WWTR1: variants seen among roughly 807,000 people sequenced by gnomAD.
WWTR1 encodes WW domain-containing transcription regulator protein 1.
Under a neutral mutation model 40.1 loss-of-function variants are expected in WWTR1, and 13 were observed. That is an observed-to-expected ratio of 0.32 (90% CI 0.21 to 0.52). The LOEUF is 0.52. Ranked by LOEUF, WWTR1 falls within the 20% of genes least tolerant of loss-of-function variation. The probability of loss-of-function intolerance (pLI) is 0.97; values close to 1 mark genes in which losing one functional copy is unlikely to be tolerated. For missense variants in WWTR1, 436 were observed against 523.1 expected (o/e 0.83, Z 1.63); for synonymous variants, 230 against 210.1 (o/e 1.09, Z -0.82).
chr3:149,597,317 A>G (rs1448147239), intron 2 of WWTR1, among the ~76,000 whole-genome samples: 1 of 151,916 alleles, frequency 6.6e-6, no homozygotes, highest in Non-Finnish European at 1.5e-5. Context: ...AACAGAGAGA[A>G]ACTAAAATAG....
intron 2 of WWTR1, among the ~76,000 whole-genome samples, chr3:149,636,595 T>G (rs887639323): frequency 1.3e-5 from 2 of 152,216 alleles, no homozygotes; most frequent in Non-Finnish European, 2.9e-5. Context: ...ATACATTATA[T>G]GTATCCTTTA....
intron 1 of WWTR1, among the ~76,000 whole-genome samples, chr3:149,693,291 A>T (rs970707941): frequency 6.6e-6 from 1 of 152,216 alleles, no homozygotes; most frequent in African/African-American, 2.4e-5. Context: ...GGTGATCTAT[A>T]CCATGACAAC....
At chr3:149,647,783 T>C (rs1159327667) in intron 2 of WWTR1, among the ~76,000 whole-genome samples, 1 of 152,202 alleles carries the variant, frequency 6.6e-6, no homozygotes, top group African/African-American at 2.4e-5. Context: ...GATCTCAACA[T>C]AGGTGACAAT....
At chr3:149,608,895 A>G (rs1026566629) in intron 2 of WWTR1, among the ~76,000 whole-genome samples, 13 of 151,740 alleles carry the variant, frequency 8.6e-5, no homozygotes, top group African/African-American at 2.9e-4. Flanking sequence ...TTTACAAAAG[A>G]AAAAAAATAG....
chr3:149,529,490 T>C (rs1258174314), intron 4 of WWTR1, among the ~76,000 whole-genome samples: 2 of 152,254 alleles, frequency 1.3e-5, no homozygotes, highest in East Asian at 3.8e-4. Flanking sequence ...TCTGTTCATC[T>C]AGATTGCAAA....
intron 3 of WWTR1, among the ~76,000 whole-genome samples, chr3:149,724,467 T>A (rs540530254): frequency 6.6e-5 from 10 of 150,780 alleles, no homozygotes; most frequent in Non-Finnish European, 1.3e-4. Flanking sequence ...TTGAATAATT[T>A]TTATACCGTC....
upstream of WWTR1, among the ~76,000 whole-genome samples, chr3:149,706,275 T>C (rs1364992181): frequency 1.3e-5 from 2 of 152,168 alleles, no homozygotes; most frequent in African/African-American, 4.8e-5. Context: ...TTCTATAATG[T>C]TCACATTTAA....
intron 6 of WWTR1, among the ~76,000 whole-genome samples, chr3:149,523,363 C>A (rs992366638): frequency 2.6e-5 from 4 of 152,138 alleles, no homozygotes; most frequent in Non-Finnish European, 5.9e-5. Context: ...ATTCTCCTGC[C>A]TCAGCTTCCC....
chr3:149,668,051 C>G (rs1162121981), intron 2 of WWTR1, among the ~76,000 whole-genome samples: 1 of 152,170 alleles, frequency 6.6e-6, no homozygotes, highest in African/African-American at 2.4e-5. Flanking sequence ...TGGAGTTCAA[C>G]ACTAGAGATG....
intron 3 of WWTR1, among the ~76,000 whole-genome samples, chr3:149,553,074 G>A (rs879383491): frequency 2.6e-5 from 4 of 152,172 alleles, no homozygotes; most frequent in Non-Finnish European, 5.9e-5. Flanking sequence ...TCTAGCATGG[G>A]ACTTTGGGAC....
chr3:149,629,161 GA>G (rs1432296014), intron 2 of WWTR1, among the ~76,000 whole-genome samples: 1 of 152,122 alleles, frequency 6.6e-6, no homozygotes, highest in Non-Finnish European at 1.5e-5. Flanking sequence ...ATGAGTTTAA[GA>G]GGAAAAAAAG....
At chr3:149,639,993 CAA>C (rs1215330406) in intron 2 of WWTR1, among the ~76,000 whole-genome samples, 12 of 76,242 alleles carry the variant, frequency 1.6e-4, no homozygotes, top group Admixed American at 3.7e-4. Context: ...GACTCCGTCT[CAA>C]AAAAAAAAAA....
intron 2 of WWTR1, among the ~76,000 whole-genome samples, chr3:149,614,476 A>G (rs1294270916): frequency 6.6e-6 from 1 of 152,176 alleles, no homozygotes; most frequent in East Asian, 1.9e-4. Flanking sequence ...CAAAATGATG[A>G]AAACATCTAA....
chr3:149,535,531 C>T (rs1735787806), intron 4 of WWTR1, among the ~76,000 whole-genome samples: 1 of 152,120 alleles, frequency 6.6e-6, no homozygotes, highest in South Asian at 2.1e-4. Context: ...ACAATCGAAA[C>T]TGCGATACTT....
chr3:149,570,568 A>C (rs1487249074), intron 3 of WWTR1, among the ~76,000 whole-genome samples: 2 of 110,644 alleles, frequency 1.8e-5, no homozygotes, highest in African/African-American at 6.8e-5. Context: ...CCTCTTTCTC[A>C]AAATAATAAT....
chr3:149,694,370 G>A (rs1268706945), intron 1 of WWTR1, among the ~76,000 whole-genome samples: 2 of 152,242 alleles, frequency 1.3e-5, no homozygotes, highest in Admixed American at 1.3e-4. Flanking sequence ...CTCCAGCCTG[G>A]GCGACAGAGC....
At chr3:149,609,371 C>G (rs12495755) in intron 2 of WWTR1, among the ~76,000 whole-genome samples, 12,681 of 152,250 alleles carry the variant, frequency 0.083, 861 homozygotes, top group Admixed American at 0.19. Context: ...CGCTAGTTCA[C>G]CAGGATAGGG....
intron 2 of WWTR1, among the ~76,000 whole-genome samples, chr3:149,587,954 A>G (rs940391536): frequency 1.3e-5 from 2 of 152,232 alleles, no homozygotes; most frequent in Non-Finnish European, 2.9e-5. Context: ...CAGTATATCA[A>G]TATGCAACAA....
chr3:149,657,523 T>G, intron 1 of WWTR1: 1 of 591,138 alleles, frequency 1.7e-6, no homozygotes, highest in Non-Finnish European at 2.9e-6. Context: ...TATGCAACTT[T>G]CTTGAAGCAA....
Sources: gnomAD v4.1 joint callset for allele counts (sites outside exome capture counted in the v4.1 genomes callset) on GRCh38, gnomAD v4.1.1 for gene constraint, MANE v1.5 for transcripts, NCBI Gene and HGNC (gene_info 2026-07-23, HGNC 2026-07-21) for gene names.